Variants in ADGRL3 observed in about 807,000 individuals in gnomAD.
ADGRL3 encodes the protein adhesion G protein-coupled receptor L3.
A neutral mutation model predicts 153.5 loss-of-function variants in ADGRL3; 62 were observed. The ratio of observed to expected loss-of-function variants is 0.40; its 90% confidence interval spans 0.33 to 0.50. The LOEUF (loss-of-function observed/expected upper bound fraction) is 0.50. ADGRL3 is among the 20% of genes least tolerant of loss of function. The pLI is 0.47. For synonymous variants in ADGRL3, 710 were observed against 672.5 expected (o/e 1.06, Z -0.86); for missense variants, 1,641 against 1,859.4 (o/e 0.88, Z 2.16).
At chr4:61,508,406 A>C (rs1323006762) in intron 3 of ADGRL3, among the ~76,000 whole-genome samples, 1 of 152,178 alleles carries the variant, frequency 6.6e-6, no homozygotes, top group Non-Finnish European at 1.5e-5. Flanking sequence ...TACTATTCTC[A>C]GCGTATTTTA....
chr4:61,217,695 A>G (rs1743477107), intron 1 of ADGRL3, among the ~76,000 whole-genome samples: 1 of 152,178 alleles, frequency 6.6e-6, no homozygotes, highest in Non-Finnish European at 1.5e-5. Flanking sequence ...TGAAATGAAG[A>G]TTTCAGAGTT....
At chr4:61,472,591 T>C (rs2097974277) in intron 2 of ADGRL3, among the ~76,000 whole-genome samples, 2 of 152,046 alleles carry the variant, frequency 1.3e-5, no homozygotes, top group South Asian at 4.1e-4. Flanking sequence ...ACATCTGCCA[T>C]ATTCTACTTG....
At chr4:61,231,925 G>A (rs4860089) in intron 1 of ADGRL3, among the ~76,000 whole-genome samples, 151,534 of 151,946 alleles carry the variant, frequency 1, 75,563 homozygotes, top group Middle Eastern at 1. Flanking sequence ...ACAATGCTAG[G>A]ATGAGACCAC....
At chr4:61,547,490 C>T (rs143607354) in intron 4 of ADGRL3, among the ~76,000 whole-genome samples, 1,872 of 152,122 alleles carry the variant, frequency 0.012, 26 homozygotes, top group Admixed American at 0.021. Context: ...TTAACTCCCA[C>T]TTTAAGTGAG....
intron 1 of ADGRL3, among the ~76,000 whole-genome samples, chr4:61,228,935 A>G (rs72633428): frequency 0.017 from 2,627 of 152,200 alleles, 29 homozygotes; most frequent in Middle Eastern, 0.051. Context: ...CAAGCAATCT[A>G]TCCGCCTCAA....
rs533159677 is a variant in ADGRL3, at chr4:61,768,344, G to A, written c.1399+34790G>A. Among the ~76,000 whole-genome samples the A allele has an allele frequency of 7.9e-5, 12 of 152,012 alleles. 1 individual carries two copies. Among genetic ancestry groups the A allele is most frequent in the African/African-American group, 2.4e-4 (10 of 41,430 alleles). The stretch of plus-strand genomic sequence containing the variant: ...GGCCTAGCTTGGCCTGTCGAGGAGG[G>A]GAGAGGTCAGATGGGTCTGTAGAAA... On this transcript the variant is annotated intron_variant, in intron 8 of 26. Coordinates refer to ENST00000683033, the MANE Select transcript of ADGRL3 (RefSeq NM_001387552.1).
intron 5 of ADGRL3, among the ~76,000 whole-genome samples, chr4:61,620,715 A>T (rs2149826171): frequency 8.1e-6 from 1 of 123,070 alleles, no homozygotes; most frequent in African/African-American, 3.2e-5. Flanking sequence ...ATCTCGGCTT[A>T]CTGCAACTTC....
At chr4:61,674,085 GATAA>G (rs1376431277) in intron 5 of ADGRL3, among the ~76,000 whole-genome samples, 8 of 150,978 alleles carry the variant, frequency 5.3e-5, no homozygotes, top group Non-Finnish European at 5.9e-5. Context: ...CTTACATATA[GATAA>G]ATAATTAGTA....
At chr4:61,630,971 G>A (rs2093128618) in intron 5 of ADGRL3, among the ~76,000 whole-genome samples, 1 of 152,166 alleles carries the variant, frequency 6.6e-6, no homozygotes, top group East Asian at 1.9e-4. Context: ...CTTACTACGT[G>A]ATTAAATGAA....
At chr4:61,682,565 T>A (rs201721236) in intron 6 of ADGRL3, among the ~76,000 whole-genome samples, 43,936 of 138,448 alleles carry the variant, frequency 0.32, 4,753 homozygotes, top group East Asian at 0.46. Flanking sequence ...TTAAAAAAAT[T>A]TTTTTTTTTT....
intron 2 of ADGRL3, among the ~76,000 whole-genome samples, chr4:61,454,994 G>A (rs1389112371): frequency 6.6e-6 from 1 of 152,106 alleles, no homozygotes; most frequent in East Asian, 1.9e-4. Context: ...TATGTGGCCA[G>A]TAGTACATTT....
chr4:61,587,771 CAAATATGGCAGAA>C (rs1455662480), intron 5 of ADGRL3, among the ~76,000 whole-genome samples: 2 of 151,674 alleles, frequency 1.3e-5, no homozygotes, highest in Non-Finnish European at 2.9e-5. Context: ...AGATTTTCTC[CAAATATGGCAGAA>C]AAATTATTTT....
chr4:61,606,575 A>C (rs151259524), intron 5 of ADGRL3, among the ~76,000 whole-genome samples: 194 of 152,206 alleles, frequency 1.3e-3, no homozygotes, highest in Non-Finnish European at 2.0e-3. Flanking sequence ...GTCCTATTGG[A>C]CGAGGGTCCC....
At chr4:61,265,376 A>G (rs1009646237) in intron 1 of ADGRL3, among the ~76,000 whole-genome samples, 2 of 151,856 alleles carry the variant, frequency 1.3e-5, no homozygotes, top group African/African-American at 4.8e-5. Flanking sequence ...GAGCTGCCAT[A>G]TGCCTGATGA....
At chr4:61,895,656 C>T in intron 10 of ADGRL3, 75 bp from the exon 11 acceptor site, 1 of 735,070 alleles carries the variant, frequency 1.4e-6, no homozygotes, top group Non-Finnish European at 2.2e-6. Context: ...TTTACCTTTG[C>T]TTATTTTAAA....
chr4:61,444,332 G>T lies in ADGRL3; in HGVS notation c.-173-52789G>T, dbSNP rs1437472904. 3.3e-5 allele frequency among the ~76,000 whole-genome samples: 5 copies of T among 152,010 alleles called. No homozygotes were observed. In the East Asian group the frequency reaches 9.7e-4, roughly 29 times the overall value. ...GCCTTGTCTTCTTGCCAAACTTTTG[G>T]ACTTGCCTGTAGACACACCTACCTG... On this transcript the variant is annotated intron_variant, in intron 2 of 26. Coordinates refer to ENST00000683033, the MANE Select transcript of ADGRL3 (RefSeq NM_001387552.1).
chr4:61,672,077 AT>A (rs2095026991), intron 5 of ADGRL3, among the ~76,000 whole-genome samples: 1 of 151,936 alleles, frequency 6.6e-6, no homozygotes, highest in Admixed American at 6.6e-5. Flanking sequence ...CAATTTGTTT[AT>A]TTTTGCTTTT....
chr4:61,679,683 A>T (rs1185440374), intron 6 of ADGRL3, among the ~76,000 whole-genome samples: 2 of 152,044 alleles, frequency 1.3e-5, no homozygotes, highest in African/African-American at 2.4e-5. Flanking sequence ...ATTTTTCTGA[A>T]GAGGAAACTG....
intron 17 of ADGRL3, among the ~76,000 whole-genome samples, chr4:61,969,814 A>G (rs1285376676): frequency 6.6e-6 from 1 of 152,182 alleles, no homozygotes; most frequent in Non-Finnish European, 1.5e-5. Context: ...TGCAGGAGCC[A>G]TTAAGAAAAA....
Sources: gnomAD v4.1 joint callset for allele counts (sites outside exome capture counted in the v4.1 genomes callset) on GRCh38, gnomAD v4.1.1 for gene constraint, MANE v1.5 for transcripts, NCBI Gene and HGNC (gene_info 2026-07-23, HGNC 2026-07-21) for gene names.